CSMD3: variants seen among roughly 807,000 people sequenced by gnomAD.
The protein encoded by CSMD3 is CUB and sushi domain-containing protein 3.
In CSMD3, 177 loss-of-function variants were observed where a neutral mutation model predicts 435.2. The ratio of observed to expected loss-of-function variants is 0.41; its 90% CI spans 0.36 to 0.46. CSMD3 has a LOEUF of 0.46. Ranked by LOEUF, CSMD3 falls within the 20% of genes least tolerant of loss-of-function variation. The probability of loss-of-function intolerance (pLI) is 0.34; values close to 1 mark genes in which losing one functional copy is unlikely to be tolerated. For missense variants in CSMD3, 4,265 were observed against 4,504.6 expected (o/e 0.95, Z 1.52); for synonymous variants, 1,656 against 1,520.5 (o/e 1.09, Z -2.07).
intron 27 of CSMD3, among the ~76,000 whole-genome samples, chr8:112,519,372 A>T (rs765864110): frequency 6.6e-6 from 1 of 152,182 alleles, no homozygotes; most frequent in Non-Finnish European, 1.5e-5. Flanking sequence ...CTTATATGTT[A>T]TAACATCAAA....
chr8:112,976,116 C>G lies in CSMD3; in HGVS notation c.1063G>C (p.Gly355Arg), dbSNP rs758405390. The change falls in exon 7 of 71, where the codon GGT becomes CGT. Residue 355 changes from glycine to arginine, a missense_variant. Physicochemically the swap from Gly to Arg is moderately radical, Grantham distance 125. Around this residue, in one of 3 missense-constraint regions of CSMD3, gnomAD observed 731 missense variants for 755.4 expected, o/e 0.97. Transcript: ENST00000297405. ...SSTLTHTTSTGELEEHNRTTT... is the reference protein window; with the variant it reads ...SSTLTHTTSTRELEEHNRTTT... Reference sequence around the variant, plus strand: ...GTCCTGTTATGCTCCTCTAACTCACCAGTGGAGGTAGTGTGGGTCAATGTA... The same window carrying G: ...GTCCTGTTATGCTCCTCTAACTCACGAGTGGAGGTAGTGTGGGTCAATGTA... 6.2e-7 allele frequency: 1 copy of G among 1,613,996 alleles called. No homozygotes were observed. Among genetic ancestry groups the G allele is most frequent in the Non-Finnish European group, 8.5e-7 (1 of 1,179,902 alleles).
intron 14 of CSMD3, among the ~76,000 whole-genome samples, chr8:112,686,196 C>T (rs1201579070): frequency 6.6e-6 from 1 of 152,112 alleles, no homozygotes; most frequent in Non-Finnish European, 1.5e-5. Flanking sequence ...TCTATGGTGG[C>T]AATGGATGCT....
At chr8:112,422,540 G>T (rs1812630874) in intron 32 of CSMD3, among the ~76,000 whole-genome samples, 2 of 152,096 alleles carry the variant, frequency 1.3e-5, no homozygotes, top group Admixed American at 1.3e-4. Flanking sequence ...GACAAGCTTT[G>T]CTACTTCCTG....
chr8:112,406,823 CT>C (rs1192272080), intron 34 of CSMD3, 96 bp from the exon 35 acceptor site: 8 of 684,100 alleles, frequency 1.2e-5, no homozygotes, highest in Non-Finnish European at 1.9e-5. Flanking sequence ...GAAATCATCA[CT>C]TTTTATCAGA....
intron 3 of CSMD3, among the ~76,000 whole-genome samples, chr8:113,202,978 A>T (rs7002376): frequency 0.37 from 56,513 of 151,888 alleles, 11,403 homozygotes; most frequent in African/African-American, 0.54. Flanking sequence ...GAAGAATAAG[A>T]TTTCGCTGGT....
chr8:112,276,100 T>C (rs1407082706), intron 59 of CSMD3, among the ~76,000 whole-genome samples: 1 of 152,126 alleles, frequency 6.6e-6, no homozygotes, highest in Non-Finnish European at 1.5e-5. Flanking sequence ...CTGTTCCAAA[T>C]GGGAGAAATT....
intron 3 of CSMD3, among the ~76,000 whole-genome samples, chr8:113,176,109 G>A (rs143957401): frequency 1.8e-4 from 28 of 152,026 alleles, no homozygotes; most frequent in African/African-American, 5.8e-4. Context: ...CTGCCTTATC[G>A]CTTAATTACT....
At chr8:112,389,214 G>C (rs1446234343) in intron 36 of CSMD3, among the ~76,000 whole-genome samples, 3 of 151,924 alleles carry the variant, frequency 2.0e-5, no homozygotes, top group Non-Finnish European at 2.9e-5. Context: ...AACATGTCAG[G>C]GTTTTCAAAA....
At chr8:112,454,716 C>T (rs1481859703) in intron 32 of CSMD3, among the ~76,000 whole-genome samples, 3 of 152,000 alleles carry the variant, frequency 2.0e-5, no homozygotes, top group Admixed American at 1.3e-4. Flanking sequence ...CCTAGATAGG[C>T]ACAGTGGCTC....
chr8:113,039,290 A>C (rs575399809), intron 5 of CSMD3, among the ~76,000 whole-genome samples: 26 of 152,290 alleles, frequency 1.7e-4, no homozygotes, highest in African/African-American at 6.3e-4. Flanking sequence ...TATGGTTAGA[A>C]TCTTATACAT....
intron 13 of CSMD3, among the ~76,000 whole-genome samples, chr8:112,750,295 A>ATAAC (rs2077537828): frequency 6.6e-6 from 1 of 151,518 alleles, no homozygotes; most frequent in South Asian, 2.1e-4. Flanking sequence ...GTATAATTTT[A>ATAAC]TAACTAATTT....
rs1025912120 is a variant in CSMD3, at chr8:112,516,937, ATAGAATCTAGTC to A, written c.4756+85_4756+96del. The A allele has an allele frequency of 3.3e-6, 3 of 906,268 alleles. No individual in the cohort carries two copies. In the Admixed American group the frequency reaches 5.8e-5, roughly 18 times the overall value. The allele number at this position is 906,268 out of a possible 1,614,324, so 56.1% of individuals were successfully genotyped here. Reference sequence around the variant, plus strand: ...ATCCTCTGAAATCTTAGACTCTCATATAGAATCTAGTCTAGAATATGGTTCTTAAGAACAATA... The same window carrying A: ...ATCCTCTGAAATCTTAGACTCTCATATAGAATATGGTTCTTAAGAACAATA... On this transcript the variant is annotated intron_variant, in intron 28 of 70. Coordinates refer to ENST00000297405, the MANE Select transcript of CSMD3 (RefSeq NM_198123.2).
chr8:112,947,909 C>G lies in CSMD3; in HGVS notation c.1421-32G>C, dbSNP rs527820004. ...CAGCAGGGAAAAAAGAAAAAAGAAA[C>G]AAAATATATGTGATTAGAAAATCGA... On this transcript the variant is annotated intron_variant, in intron 8 of 70. Transcript: ENST00000297405. 5.8e-5 allele frequency: 51 copies of G among 883,230 alleles called. 1 individual carries two copies. The South Asian group carries it at 6.8e-4, about 12-fold the overall frequency. 54.7% of individuals were successfully genotyped at this position (883,230 alleles called of 1,614,324 possible).
chr8:113,357,909 G>C (rs2094243261), intron 1 of CSMD3, among the ~76,000 whole-genome samples: 1 of 152,120 alleles, frequency 6.6e-6, no homozygotes, highest in African/African-American at 2.4e-5. Context: ...CCCCAGCCTT[G>C]CTTCCTGCAC....
chr8:112,980,358 A>G (rs565841322), intron 6 of CSMD3, among the ~76,000 whole-genome samples: 1 of 151,484 alleles, frequency 6.6e-6, no homozygotes, highest in South Asian at 2.1e-4. Flanking sequence ...TATGTTACAT[A>G]AATTAGTTTA....
rs542131439 is a variant in CSMD3, at chr8:112,291,602, T to G, written c.8882A>C (p.Tyr2961Ser). ...GNFTYGTVVF[Y>S]DCNPGYFLFG... ...TAAAAAATATCCAGGATTGCAGTCATAGAATACCACAGTGCCGTAAGTAAA... is the reference window on the plus strand; with the variant it reads ...TAAAAAATATCCAGGATTGCAGTCAGAGAATACCACAGTGCCGTAAGTAAA... The change falls in exon 56 of 71, where the codon TAT (tyrosine) becomes TCT (serine). Residue 2961 changes from tyrosine to serine, a missense_variant. Coordinates refer to ENST00000297405, the MANE Select transcript of CSMD3 (RefSeq NM_198123.2). 1.9e-6 allele frequency: 3 copies of G among 1,610,990 alleles called. No individual in the cohort carries two copies. The highest frequency in any genetic ancestry group is 2.5e-6 in the Non-Finnish European group (3 of 1,177,500).
Position 112,313,959 on chromosome 8 carries a change from T to C in CSMD3, c.7643A>G (p.Gln2548Arg), listed in dbSNP as rs2130831072. 1 of 1,612,152 alleles carries C rather than the reference T, an allele frequency of 6.2e-7. No homozygotes were observed. Among genetic ancestry groups the C allele is most frequent in the Non-Finnish European group, 8.5e-7 (1 of 1,178,492 alleles). ...GTTATTGCCATGATCTGCTGACCACTGAAGAAATACTTCATGACCATTGCT... is the reference window on the plus strand; with the variant it reads ...GTTATTGCCATGATCTGCTGACCACCGAAGAAATACTTCATGACCATTGCT... Reference protein sequence around the residue: ...ITSNGHEVFLQWSADHGNNKK... With the variant: ...ITSNGHEVFLRWSADHGNNKK... The change falls in exon 49 of 71, where the codon CAG (glutamine) becomes CGG (arginine). Residue 2548 changes from glutamine to arginine, a missense_variant. This residue lies in a region of CSMD3 where 3,255 missense variants were observed against 3,380.2 expected (regional missense o/e 0.96). Transcript: ENST00000297405.
intron 9 of CSMD3, among the ~76,000 whole-genome samples, chr8:112,936,656 T>C (rs2083289755): frequency 6.6e-6 from 1 of 152,090 alleles, no homozygotes; most frequent in Admixed American, 6.6e-5. Flanking sequence ...TTCAATGATC[T>C]CACTTTTATA....
chr8:113,381,611 G>T (rs2094416051), intron 1 of CSMD3, among the ~76,000 whole-genome samples: 1 of 152,050 alleles, frequency 6.6e-6, no homozygotes, highest in South Asian at 2.1e-4. Flanking sequence ...AATGCCCATG[G>T]TATGGTAGTT....
Sources: allele counts gnomAD v4.1 joint callset (sites outside exome capture counted in the v4.1 genomes callset), GRCh38; gene constraint gnomAD v4.1.1; regional missense constraint gnomAD v4.1.1; transcripts MANE v1.5; gene names NCBI Gene and HGNC (gene_info 2026-07-23, HGNC 2026-07-21).